The following TGFBI variants were observed in gnomAD, a reference collection of about 807,000 sequenced individuals.
TGFBI encodes transforming growth factor beta induced.
TGFBI carries 50 observed loss-of-function variants against 73.7 expected under a neutral mutation model. The observed-to-expected ratio is 0.68, with a 90% CI of 0.54 to 0.86. TGFBI has a LOEUF of 0.86. Ranked by LOEUF, TGFBI falls within the 40% of genes least tolerant of loss-of-function variation. The pLI is 0.00. For missense variants in TGFBI, 839 were observed against 877.0 expected (o/e 0.96, Z 0.55); for synonymous variants, 362 against 360.5 (o/e 1.00, Z -0.05).
chr5:136,039,949 C>A (rs528520308), intron 2 of TGFBI, among the ~76,000 whole-genome samples: 1 of 152,214 alleles, frequency 6.6e-6, no homozygotes, highest in African/African-American at 2.4e-5. Context: ...CCATTCCTCT[C>A]GGAAACTATG....
At chr5:136,054,975 A>T in intron 10 of TGFBI, 114 bp downstream of exon 10, 1 of 1,251,034 alleles carries the variant, frequency 8.0e-7, no homozygotes, top group Non-Finnish European at 1.1e-6. Flanking sequence ...CTGGTTGCTG[A>T]CAAGGAAGGA....
At chr5:136,053,736 C>A (rs6889640) in intron 8 of TGFBI, among the ~76,000 whole-genome samples, 51,914 of 151,924 alleles carry the variant, frequency 0.34, 9,752 homozygotes, top group African/African-American at 0.51. Context: ...ACTGAGCTCA[C>A]CTCTCCTCCC....
chr5:136,047,527 G>A, intron 6 of TGFBI, 107 bp downstream of exon 6: 8 of 1,388,930 alleles, frequency 5.8e-6, no homozygotes, highest in East Asian at 2.3e-5. Flanking sequence ...CTCCTGTAGG[G>A]GAACATAGAG....
chr5:136,049,413 C>T (rs370850662), intron 6 of TGFBI, 26 bp from the exon 7 acceptor site: 1 of 1,610,906 alleles, frequency 6.2e-7, no homozygotes, highest in Non-Finnish European at 8.5e-7. Flanking sequence ...CTTCAGGGAG[C>T]ACTCCATCTT....
intron 11 of TGFBI, among the ~76,000 whole-genome samples, 187 bp downstream of exon 11, chr5:136,056,003 G>C (rs1392220278): frequency 6.6e-6 from 1 of 152,178 alleles, no homozygotes; most frequent in African/African-American, 2.4e-5. Flanking sequence ...CTTACATTGG[G>C]AAGAAGGGTT....
At position 136,056,850 on chromosome 5, in the gene TGFBI, G is replaced by A. The variant is rs1751644082; in HGVS notation, c.1678+55G>A. 3.2e-6 allele frequency: 5 copies of A among 1,545,166 alleles called. No individual in the cohort carries two copies. The East Asian group carries it at 1.2e-4, about 37-fold the overall frequency. ...TTTTTCTAAAGTAGTGATCCCTCAG[G>A]GCCCCAGCAGCAAACAGTTGGCACA... On this transcript the variant is annotated intron_variant, in intron 12 of 16. Transcript: ENST00000442011.
chr5:136,029,440 T>C (rs4976362), intron 1 of TGFBI, among the ~76,000 whole-genome samples: 148,529 of 152,178 alleles, frequency 0.98, 72,498 homozygotes, highest in East Asian at 1. Context: ...GACCAGAGAC[T>C]TTCGACGCAG....
chr5:136,038,119 C>A (rs565019045), intron 2 of TGFBI, among the ~76,000 whole-genome samples: 2 of 152,280 alleles, frequency 1.3e-5, no homozygotes, highest in African/African-American at 4.8e-5. Context: ...ATCGACCAAA[C>A]GCCTCTGTTG....
At chr5:136,046,292 G>A (rs1344541115) in intron 3 of TGFBI, 43 bp from the exon 4 acceptor site, 1 of 1,611,114 alleles carries the variant, frequency 6.2e-7, no homozygotes. Flanking sequence ...GGTTGGGCTG[G>A]ACCCCCAGAG....
At chr5:136,032,803 A>G (rs1411886400) in intron 1 of TGFBI, among the ~76,000 whole-genome samples, 1 of 152,110 alleles carries the variant, frequency 6.6e-6, no homozygotes, top group East Asian at 1.9e-4. Flanking sequence ...GCTCCTAATG[A>G]AGCTTTCACA....
intron 1 of TGFBI, among the ~76,000 whole-genome samples, chr5:136,031,008 A>G (rs1281085092): frequency 1.3e-5 from 2 of 152,194 alleles, no homozygotes; most frequent in Admixed American, 6.5e-5. Context: ...GATGCTCTTG[A>G]TTATGAGTTC....
chr5:136,053,398 A>C (rs1751572919), intron 8 of TGFBI, among the ~76,000 whole-genome samples: 1 of 152,222 alleles, frequency 6.6e-6, no homozygotes, highest in Non-Finnish European at 1.5e-5. Context: ...CCTGCTGTGC[A>C]TGGGCAAAGA....
intron 14 of TGFBI, 73 bp downstream of exon 14, chr5:136,061,009 A>G (rs1181135804): frequency 1.9e-6 from 2 of 1,061,400 alleles, no homozygotes; most frequent in African/African-American, 1.6e-5. Flanking sequence ...GAGAAGAAAA[A>G]CTGTTCTAAA....
Position 136,033,886 on chromosome 5 carries a change from GAC to G in TGFBI, c.233+26_233+27del, listed in dbSNP as rs1204680892. The G allele has an allele frequency of 1.9e-6, 3 of 1,596,752 alleles. No individual in the cohort carries two copies. The African/African-American group carries it at 4.0e-5, about 21-fold the overall frequency. On this transcript the variant is annotated intron_variant, in intron 2 of 16. Transcript: ENST00000442011. ...CGTGAGTATCTGTAACCAGCCAGGA[GAC>G]CAAGCTGTATGCACGCTGGCTGCAG...
intron 6 of TGFBI, 139 bp from the exon 7 acceptor site, chr5:136,049,300 T>G: frequency 8.5e-7 from 1 of 1,171,728 alleles, no homozygotes; most frequent in Non-Finnish European, 1.2e-6. Context: ...TGGGTGAGCT[T>G]GGGTTTGGCT....
intron 4 of TGFBI, 167 bp downstream of exon 4, chr5:136,046,662 C>T: frequency 2.5e-6 from 3 of 1,212,406 alleles, no homozygotes; most frequent in Admixed American, 2.8e-5. Flanking sequence ...ATATGTCTTA[C>T]CAGGTTGCGT....
chr5:136,056,974 C>T (rs927974331), intron 12 of TGFBI, among the ~76,000 whole-genome samples, 179 bp downstream of exon 12: 1 of 152,160 alleles, frequency 6.6e-6, no homozygotes, highest in Non-Finnish European at 1.5e-5. Flanking sequence ...CAGGGACTAG[C>T]AACCCTGGGA....
intron 15 of TGFBI, among the ~76,000 whole-genome samples, chr5:136,061,924 C>T (rs559640576): frequency 6.6e-6 from 1 of 152,370 alleles, no homozygotes; most frequent in East Asian, 1.9e-4. Context: ...GTGGCCAGGC[C>T]TGCCCTGAGC....
intron 16 of TGFBI, 130 bp downstream of exon 16, chr5:136,062,817 G>A: frequency 9.8e-7 from 1 of 1,022,048 alleles, no homozygotes; most frequent in Non-Finnish European, 1.4e-6. Context: ...GGCCTTTGGA[G>A]TCAGAACAGC....
Sources: allele counts gnomAD v4.1 joint callset (sites outside exome capture counted in the v4.1 genomes callset), GRCh38; gene constraint gnomAD v4.1.1; transcripts MANE v1.5; gene names NCBI Gene and HGNC (gene_info 2026-07-23, HGNC 2026-07-21).